Variants in SLC38A12 observed in about 807,000 individuals in gnomAD.
The protein encoded by SLC38A12 is putative sodium-coupled neutral amino acid transporter 12.
the SLC38A12 span, among the ~76,000 whole-genome samples, chr17:74,778,187 G>A: frequency 6.6e-6 from 1 of 152,354 alleles, no homozygotes; most frequent in Admixed American, 6.5e-5. Flanking sequence ...TCTTAGGTCT[G>A]TGTTACCTCT....
At chr17:74,785,453 G>T in the SLC38A12 span, 1 of 1,603,054 alleles carries the variant, frequency 6.2e-7, no homozygotes, top group Non-Finnish European at 8.5e-7. Context: ...TTAAGTTCCG[G>T]GCTTGAATGT....
chr17:74,795,244 C>T, the SLC38A12 span: 4 of 762,288 alleles, frequency 5.2e-6, no homozygotes, highest in Non-Finnish European at 8.9e-6. Flanking sequence ...TGCCCAGGCC[C>T]TTTTCTGCAC....
chr17:74,837,282 G>A, the SLC38A12 span: 1 of 985,572 alleles, frequency 1.0e-6, no homozygotes, highest in Non-Finnish European at 1.2e-6. Context: ...AACAAGAAGT[G>A]CTAACTGGTA....
At chr17:74,783,763 C>T in the SLC38A12 span, among the ~76,000 whole-genome samples, 4 of 134,886 alleles carry the variant, frequency 3.0e-5, no homozygotes, top group African/African-American at 1.2e-4. Context: ...CGGAGTCTCG[C>T]TCTGTTGCCC....
At chr17:74,797,331 C>G in the SLC38A12 span, among the ~76,000 whole-genome samples, 2 of 152,180 alleles carry the variant, frequency 1.3e-5, no homozygotes, top group African/African-American at 4.8e-5. Flanking sequence ...TAATTACTGC[C>G]TTCATCTCCC....
chr17:74,780,389 C>G, the SLC38A12 span, among the ~76,000 whole-genome samples: 1 of 152,196 alleles, frequency 6.6e-6, no homozygotes, highest in African/African-American at 2.4e-5. Flanking sequence ...GGAGCAGTGC[C>G]TGTGCCTCCT....
chr17:74,812,884 A>C, the SLC38A12 span, among the ~76,000 whole-genome samples: 1 of 152,132 alleles, frequency 6.6e-6, no homozygotes, highest in Non-Finnish European at 1.5e-5. Flanking sequence ...CCCGTGTTGA[A>C]ACTCCGGGAG....
the SLC38A12 span, chr17:74,819,887 G>C: frequency 6.4e-7 from 1 of 1,556,892 alleles, no homozygotes. Flanking sequence ...TTCTCCTCTC[G>C]TCCCTTCCCT....
the SLC38A12 span, chr17:74,838,310 A>G: frequency 1.0e-6 from 1 of 985,862 alleles, no homozygotes; most frequent in South Asian, 4.7e-5. Flanking sequence ...GAGGCCTCTC[A>G]GGTTGGGTAG....
the SLC38A12 span, among the ~76,000 whole-genome samples, chr17:74,809,566 G>A: frequency 2.6e-5 from 4 of 152,298 alleles, no homozygotes; most frequent in East Asian, 1.9e-4. Flanking sequence ...CTCCTGGAGC[G>A]GGTGCTGCTT....
the SLC38A12 span, among the ~76,000 whole-genome samples, chr17:74,825,282 T>C: frequency 6.6e-6 from 1 of 152,238 alleles, no homozygotes; most frequent in African/African-American, 2.4e-5. Flanking sequence ...CCTGGGCTGT[T>C]CCGTGTCCAG....
chr17:74,837,594 C>T, the SLC38A12 span: 6 of 985,374 alleles, frequency 6.1e-6, no homozygotes, highest in Admixed American at 6.1e-5. Flanking sequence ...GGTCAGGCTG[C>T]CCGTGCTCCC....
the SLC38A12 span, chr17:74,837,227 C>T: frequency 8.1e-5 from 80 of 985,566 alleles, no homozygotes; most frequent in African/African-American, 1.2e-3. Flanking sequence ...GCCTGGGAGG[C>T]GGTAGGTGCC....
the SLC38A12 span, among the ~76,000 whole-genome samples, chr17:74,795,913 T>C: frequency 1.3e-5 from 2 of 152,178 alleles, no homozygotes; most frequent in Non-Finnish European, 2.9e-5. Flanking sequence ...GTTGTAAACT[T>C]AGCTCAGATT....
chr17:74,790,890 T>C, the SLC38A12 span: 1 of 1,492,510 alleles, frequency 6.7e-7, no homozygotes, highest in Non-Finnish European at 9.3e-7. Flanking sequence ...AGTGAGGTCC[T>C]CACCACCCTC....
the SLC38A12 span, among the ~76,000 whole-genome samples, chr17:74,805,610 G>A: frequency 4.6e-5 from 7 of 152,120 alleles, no homozygotes; most frequent in East Asian, 5.8e-4. The surrounding 1 kb of genome is among the most constrained non-coding windows in gnomAD (Gnocchi z 5.0). Flanking sequence ...TCTCCCCTCC[G>A]TCCCGCCTCC....
the SLC38A12 span, among the ~76,000 whole-genome samples, chr17:74,833,172 C>T: frequency 3.3e-5 from 5 of 152,280 alleles, no homozygotes; most frequent in South Asian, 2.1e-4. Flanking sequence ...TGCAGGTGCG[C>T]GTCACCAAGC....
At chr17:74,796,649 G>T in the SLC38A12 span, among the ~76,000 whole-genome samples, 1 of 152,254 alleles carries the variant, frequency 6.6e-6, no homozygotes, top group Non-Finnish European at 1.5e-5. Context: ...CCTCTCTGGA[G>T]CAGTCAGCTA....
chr17:74,796,507 G>A, the SLC38A12 span, among the ~76,000 whole-genome samples: 13 of 152,298 alleles, frequency 8.5e-5, no homozygotes, highest in East Asian at 2.3e-3. Flanking sequence ...AGGCCCTGCA[G>A]GCTATTTGGG....
Sources: allele counts gnomAD v4.1 joint callset (sites outside exome capture counted in the v4.1 genomes callset), GRCh38; gene constraint gnomAD v4.1.1; non-coding constraint Gnocchi (gnomAD v3.1); transcripts MANE v1.5; gene names NCBI Gene and HGNC (gene_info 2026-07-23, HGNC 2026-07-21).